The following IPO11 variants were observed in gnomAD, a reference collection of about 807,000 sequenced individuals.
IPO11 encodes the protein importin-11.
In IPO11, 66 loss-of-function variants were observed where a neutral mutation model predicts 143.2. That is an observed-to-expected ratio of 0.46 (90% confidence interval 0.38 to 0.57). IPO11 has a LOEUF of 0.57. IPO11 is among the 20% of genes least tolerant of loss of function. IPO11 has a pLI of 0.00. For synonymous variants in IPO11, 385 were observed against 377.8 expected (o/e 1.02, Z -0.22); for missense variants, 1,026 against 1,141.0 (o/e 0.90, Z 1.45).
At chr5:62,525,831 G>A (rs1371054249) in intron 20 of IPO11, among the ~76,000 whole-genome samples, 1 of 152,200 alleles carries the variant, frequency 6.6e-6, no homozygotes, top group Non-Finnish European at 1.5e-5. Flanking sequence ...AAGTTAGTAT[G>A]TCATCTGTAG....
intron 29 of IPO11, among the ~76,000 whole-genome samples, chr5:62,612,829 T>G (rs1745975840): frequency 6.6e-6 from 1 of 152,226 alleles, no homozygotes; most frequent in South Asian, 2.1e-4. Context: ...ACATTGAGAT[T>G]GTTTCCATTT....
At chr5:62,560,323 A>G (rs1364963923) in intron 26 of IPO11, among the ~76,000 whole-genome samples, 3 of 152,114 alleles carry the variant, frequency 2.0e-5, no homozygotes, top group Non-Finnish European at 4.4e-5. Context: ...GTAAGTCTGA[A>G]TTTTGCATAG....
intron 29 of IPO11, among the ~76,000 whole-genome samples, chr5:62,611,060 A>G (rs1745910797): frequency 6.6e-6 from 1 of 152,190 alleles, no homozygotes. Context: ...TCATTTCTAG[A>G]TGATACACTG....
At chr5:62,612,176 A>C (rs1580387121) in intron 29 of IPO11, among the ~76,000 whole-genome samples, 1 of 152,162 alleles carries the variant, frequency 6.6e-6, no homozygotes, top group Admixed American at 6.5e-5. Flanking sequence ...ATTTTTCTTA[A>C]ATGAAGAACT....
intron 20 of IPO11, among the ~76,000 whole-genome samples, chr5:62,524,914 A>T (rs1450194754): frequency 1.3e-5 from 2 of 152,156 alleles, no homozygotes; most frequent in African/African-American, 4.8e-5. Flanking sequence ...TTTTGTGTTC[A>T]TGAAATTATA....
chr5:62,445,054 T>G (rs930010568), intron 3 of IPO11, among the ~76,000 whole-genome samples: 1 of 152,050 alleles, frequency 6.6e-6, no homozygotes, highest in Admixed American at 6.6e-5. Context: ...TATACAATAT[T>G]AGGTAGTTAA....
chr5:62,461,124 A>G (rs993742504), intron 5 of IPO11, among the ~76,000 whole-genome samples: 3 of 152,160 alleles, frequency 2.0e-5, no homozygotes, highest in Admixed American at 2.0e-4. Flanking sequence ...TTCAGATGGG[A>G]CTACTGCAGT....
rs141295479 is a variant in IPO11, at chr5:62,448,900, G to A, written c.240-1027G>A. Among the ~76,000 whole-genome samples, 392 of 152,156 alleles carry A rather than the reference G, an allele frequency of 2.6e-3. 2 individuals are homozygous for A. The highest frequency in any genetic ancestry group is 3.9e-3 in the Non-Finnish European group (264 of 67,998). The stretch of plus-strand genomic sequence containing the variant: ...TAATGCCAGAACCTTGTAGTAATAC[G>A]TTAATTCTGTGTAATCCCTCTTGTC... On this transcript the variant is annotated intron_variant, in intron 3 of 29. Coordinates refer to ENST00000325324, the MANE Select transcript of IPO11 (RefSeq NM_016338.5).
At chr5:62,582,510 T>C (rs559327808) in intron 27 of IPO11, among the ~76,000 whole-genome samples, 6 of 152,194 alleles carry the variant, frequency 3.9e-5, no homozygotes, top group Non-Finnish European at 7.3e-5. Context: ...TGGAAATATA[T>C]ATCATGCAGA....
intron 1 of IPO11, among the ~76,000 whole-genome samples, chr5:62,418,313 G>A (rs1283676787): frequency 6.6e-6 from 1 of 152,008 alleles, no homozygotes; most frequent in Non-Finnish European, 1.5e-5. Flanking sequence ...TTACAGACGT[G>A]CGCCACCATG....
intron 24 of IPO11, among the ~76,000 whole-genome samples, chr5:62,548,584 A>G (rs1356784480): frequency 6.6e-6 from 1 of 152,196 alleles, no homozygotes; most frequent in Non-Finnish European, 1.5e-5. Context: ...CAGATACTAC[A>G]GAGTTGAAAA....
At chr5:62,472,721 G>T (rs1221847013) in intron 7 of IPO11, among the ~76,000 whole-genome samples, 1 of 151,918 alleles carries the variant, frequency 6.6e-6, no homozygotes, top group African/African-American at 2.4e-5. Flanking sequence ...TAGAGACGGG[G>T]TTTCACAATG....
In IPO11 at chr5:62,453,138, T is replaced by C. The variant is rs898537772; in HGVS notation, c.516+1205T>C. ...AAGAAGAGGGTGACATGGTGTTTTG[T>C]AGTTTTGTAGAAAGATTTTTCTTCT... On this transcript the variant is annotated intron_variant, in intron 5 of 29. Transcript: ENST00000325324. 2.0e-4 allele frequency among the ~76,000 whole-genome samples: 30 copies of C among 151,098 alleles called. 3 individuals are homozygous for C. The highest frequency in any genetic ancestry group is 7.2e-4 in the African/African-American group (29 of 40,380).
intron 22 of IPO11, among the ~76,000 whole-genome samples, chr5:62,533,203 T>C (rs1053808094): frequency 1.2e-4 from 15 of 126,774 alleles, no homozygotes; most frequent in Admixed American, 2.6e-4. Flanking sequence ...GTATATTCTT[T>C]CTTTCTTTCT....
intron 3 of IPO11, among the ~76,000 whole-genome samples, chr5:62,447,610 G>A (rs1272442084): frequency 6.6e-6 from 1 of 150,978 alleles, no homozygotes; most frequent in Non-Finnish European, 1.5e-5. Context: ...TTTTGAGACA[G>A]GGTCTTGCTC....
chr5:62,428,671 A>C (rs1203341641), intron 1 of IPO11, among the ~76,000 whole-genome samples: 2 of 148,174 alleles, frequency 1.3e-5, no homozygotes, highest in East Asian at 2.0e-4. Flanking sequence ...GATTGAAAAC[A>C]TTTTTTTTTT....
intron 10 of IPO11, 111 bp from the exon 11 acceptor site, chr5:62,483,899 A>T (rs1746303804): frequency 2.3e-6 from 2 of 874,490 alleles, no homozygotes; most frequent in African/African-American, 1.8e-5. Flanking sequence ...AAATTTATAC[A>T]CAAGTGTATC....
At chr5:62,561,720 A>G (rs1026338075) in intron 27 of IPO11, 1 of 152,122 alleles carries the variant, frequency 6.6e-6, no homozygotes, top group Admixed American at 6.5e-5. Context: ...TTTTTCTTCT[A>G]AAACTTCTCA....
Position 62,435,114 on chromosome 5 carries a change from A to ATG in IPO11, c.-6-2159_-6-2158insGT, listed in dbSNP as rs1326687822. Among the ~76,000 whole-genome samples, 334 of 102,264 alleles carry ATG rather than the reference A, an allele frequency of 3.3e-3. 3 individuals carry two copies. The highest frequency in any genetic ancestry group is 4.8e-3 in the Non-Finnish European group (260 of 54,598). 67.1% of individuals were successfully genotyped at this position (102,264 alleles called of 152,430 possible). ...TATGTATATATGTATATATATGTAT[A>ATG]TATGTATATATGTATATATATGTAT... On this transcript the variant is annotated intron_variant, in intron 1 of 29. Coordinates refer to ENST00000325324, the MANE Select transcript of IPO11 (RefSeq NM_016338.5).
Sources: gnomAD v4.1 joint callset for allele counts (sites outside exome capture counted in the v4.1 genomes callset) on GRCh38, gnomAD v4.1.1 for gene constraint, MANE v1.5 for transcripts, NCBI Gene and HGNC (gene_info 2026-07-23, HGNC 2026-07-21) for gene names.